MSI2: variants seen among roughly 807,000 people sequenced by gnomAD.
The protein encoded by MSI2 is RNA-binding protein Musashi homolog 2.
Under a neutral mutation model 45.6 loss-of-function variants are expected in MSI2, and 17 were observed. That is an observed-to-expected ratio of 0.37 (90% CI 0.26 to 0.56). MSI2 has a LOEUF of 0.56. Among genes scored for constraint, MSI2 ranks in the 20% least tolerant of loss-of-function variants. The probability of loss-of-function intolerance (pLI) is 0.77; values close to 1 mark genes in which losing one functional copy is unlikely to be tolerated. For synonymous variants in MSI2, 156 were observed against 158.2 expected, an observed-to-expected ratio of 0.99 and a Z score of 0.11; for missense variants, 293 against 444.2, an observed-to-expected ratio of 0.66 and a Z score of 3.06.
chr17:57,367,066 C>T lies in MSI2; in HGVS notation c.313-34313C>T, dbSNP rs181579212. Among the ~76,000 whole-genome samples the T allele has an allele frequency of 7.9e-5, 12 of 152,274 alleles. No individual in the cohort carries two copies. In the South Asian group the frequency reaches 1.4e-3, roughly 18 times the overall value. On this transcript the variant is annotated intron_variant, in intron 5 of 13. Coordinates refer to ENST00000284073, the MANE Select transcript of MSI2 (RefSeq NM_138962.4). The stretch of plus-strand genomic sequence containing the variant: ...GAACTATTGGCTTGTTTTCCAAGCT[C>T]GAAAGTGTATACAAATAGTGATATC...
At chr17:57,526,002 G>A (rs2086688507) in intron 6 of MSI2, among the ~76,000 whole-genome samples, 1 of 152,112 alleles carries the variant, frequency 6.6e-6, no homozygotes, top group Non-Finnish European at 1.5e-5. Context: ...CAAGGTAGGT[G>A]GATCACAAGG....
chr17:57,445,972 G>A (rs891933145), intron 6 of MSI2, among the ~76,000 whole-genome samples: 1 of 152,144 alleles, frequency 6.6e-6, no homozygotes, highest in South Asian at 2.1e-4. Flanking sequence ...CACTGTTCCG[G>A]GTATTGGGGA....
At position 57,322,840 on chromosome 17, in the gene MSI2, C is replaced by T. The variant is rs1207198430; in HGVS notation, c.312+60648C>T. On this transcript the variant is annotated intron_variant, in intron 5 of 13. Coordinates refer to ENST00000284073, the MANE Select transcript of MSI2 (RefSeq NM_138962.4). Reference sequence around the variant, plus strand: ...TTCAAGACAGAAAGCCCAGCTGTGGCAACTGCAGGTCTTTGGATTAGTTTG... The same window carrying T: ...TTCAAGACAGAAAGCCCAGCTGTGGTAACTGCAGGTCTTTGGATTAGTTTG... 2.0e-5 allele frequency among the ~76,000 whole-genome samples: 3 copies of T among 152,306 alleles called. No individual in the cohort carries two copies. In the South Asian group the frequency reaches 6.2e-4, roughly 32 times the overall value.
intron 6 of MSI2, chr17:57,406,858 C>T (rs1033126435): frequency 1.3e-5 from 2 of 152,246 alleles, no homozygotes; most frequent in African/African-American, 2.4e-5. Context: ...TCACGGGCTG[C>T]TCTGGTTCCC....
At chr17:57,650,437 C>A (rs1348804179) in intron 10 of MSI2, among the ~76,000 whole-genome samples, 2 of 152,178 alleles carry the variant, frequency 1.3e-5, no homozygotes, top group Non-Finnish European at 2.9e-5. Flanking sequence ...CCAAGACCCT[C>A]ATCTTCAGAA....
At chr17:57,545,402 G>A (rs569722934) in intron 7 of MSI2, among the ~76,000 whole-genome samples, 2 of 152,280 alleles carry the variant, frequency 1.3e-5, no homozygotes, top group African/African-American at 4.8e-5. Flanking sequence ...ATAGCTAGGA[G>A]CACGTGCCCT....
intron 8 of MSI2, among the ~76,000 whole-genome samples, chr17:57,612,195 T>C (rs1277737168): frequency 1.1e-5 from 1 of 95,060 alleles, no homozygotes; most frequent in African/African-American, 3.3e-5. Context: ...GGCAGGTTGA[T>C]GTGTGAGTAC....
chr17:57,306,995 G>A (rs1911977431), intron 5 of MSI2, among the ~76,000 whole-genome samples: 1 of 152,178 alleles, frequency 6.6e-6, no homozygotes, highest in Non-Finnish European at 1.5e-5. Flanking sequence ...TCCCCAGTTT[G>A]TTTACATGAG....
chr17:57,295,992 C>CTTTTTTTTTTTTTT (rs386386327), intron 5 of MSI2, among the ~76,000 whole-genome samples: 3 of 38,622 alleles, frequency 7.8e-5, no homozygotes, highest in African/African-American at 6.8e-5. Context: ...CGCAGCCTTC[C>CTTTTTTTTTTTTTT]TTTTTTTTTT....
At chr17:57,459,003 G>A (rs780053366) in intron 6 of MSI2, among the ~76,000 whole-genome samples, 1 of 152,202 alleles carries the variant, frequency 6.6e-6, no homozygotes, top group African/African-American at 2.4e-5. Context: ...TTGCTGCGTC[G>A]CTCGGAAGAA....
intron 7 of MSI2, among the ~76,000 whole-genome samples, chr17:57,558,556 T>G (rs1469419703): frequency 6.6e-6 from 1 of 152,118 alleles, no homozygotes; most frequent in Admixed American, 6.5e-5. Context: ...TGGAGACACA[T>G]CCCTCCTGGT....
At chr17:57,609,422 T>C (rs1404617459) in intron 8 of MSI2, among the ~76,000 whole-genome samples, 2 of 152,144 alleles carry the variant, frequency 1.3e-5, no homozygotes, top group East Asian at 1.9e-4. Context: ...TCCATCGAAA[T>C]AGGCCTCTCC....
Position 57,627,680 on chromosome 17 carries a change from C to T in MSI2, c.727+377C>T, listed in dbSNP as rs1908936641. On this transcript the variant is annotated intron_variant, in intron 10 of 13. Coordinates refer to ENST00000284073, the MANE Select transcript of MSI2 (RefSeq NM_138962.4). The surrounding 1 kb of genome is among the most constrained non-coding windows in gnomAD (Gnocchi z 4.6). ...ACCACCCCTTGCCCGCCTCCCCGCT[C>T]CCTGTGTCCACCTGCCCAATGTTTG... 1.1e-5 allele frequency: 3 copies of T among 276,456 alleles called. No individual in the cohort carries two copies. The highest frequency in any genetic ancestry group is 2.1e-5 in the Non-Finnish European group (3 of 145,412). 17.1% of individuals were successfully genotyped at this position (276,456 alleles called of 1,614,324 possible). A position where few individuals can be genotyped will look rare whatever the true frequency, so the allele number is the denominator to read the frequency against.
At chr17:57,375,572 C>T (rs546015026) in intron 5 of MSI2, among the ~76,000 whole-genome samples, 1 of 152,198 alleles carries the variant, frequency 6.6e-6, no homozygotes, top group South Asian at 2.1e-4. Context: ...GCCAGAGCTT[C>T]TTGGAATAGT....
At chr17:57,669,435 A>G (rs936991737) in intron 11 of MSI2, among the ~76,000 whole-genome samples, 2 of 152,320 alleles carry the variant, frequency 1.3e-5, no homozygotes, top group East Asian at 1.9e-4. Flanking sequence ...GACTAGGAAC[A>G]TAGAGTTCCC....
intron 5 of MSI2, among the ~76,000 whole-genome samples, chr17:57,353,294 C>G (rs1390533077): frequency 2.0e-5 from 3 of 152,184 alleles, no homozygotes; most frequent in African/African-American, 4.8e-5. Context: ...CTGTTTAAGT[C>G]TTCCTTGGAC....
rs1272561112 is a variant in MSI2, at chr17:57,552,042, A to T, written c.454+22318A>T. ...CATAGAGGGGTTTTCTGGAACAGAGAATGTGCTGGACCTAGAGCCCCTCGT... is the reference window on the plus strand; with the variant it reads ...CATAGAGGGGTTTTCTGGAACAGAGTATGTGCTGGACCTAGAGCCCCTCGT... On this transcript the variant is annotated intron_variant, in intron 7 of 13. Coordinates refer to ENST00000284073, the MANE Select transcript of MSI2 (RefSeq NM_138962.4). This position sits in a 1 kb window ranked among gnomAD's most constrained non-coding sequence, Gnocchi z 4.3. Among the ~76,000 whole-genome samples the T allele has an allele frequency of 6.6e-6, 1 of 152,104 alleles. No homozygotes were observed. Among genetic ancestry groups the T allele is most frequent in the Non-Finnish European group, 1.5e-5 (1 of 68,012 alleles).
chr17:57,394,644 C>T (rs1411930373), intron 5 of MSI2, among the ~76,000 whole-genome samples: 6 of 152,226 alleles, frequency 3.9e-5, no homozygotes, highest in Admixed American at 6.5e-5. Flanking sequence ...GGTTGCTTCT[C>T]CTTACAGGTG....
In MSI2 at chr17:57,611,350, C is replaced by T. The variant is rs1056298090; in HGVS notation, c.538-4620C>T. ...GGGGCTACAGTGGGAAGGGAGCCCC[C>T]GTGCCCTGCCCTCTGCCCTGTGGTG... On this transcript the variant is annotated intron_variant, in intron 8 of 13. Coordinates refer to ENST00000284073, the MANE Select transcript of MSI2 (RefSeq NM_138962.4). 2.1e-5 allele frequency among the ~76,000 whole-genome samples: 2 copies of T among 95,978 alleles called. 1 individual carries two copies. Among genetic ancestry groups the T allele is most frequent in the African/African-American group, 6.5e-5 (2 of 30,936 alleles). The allele number at this position is 95,978 out of a possible 152,430, so 63.0% of individuals were successfully genotyped here.
Sources: allele counts gnomAD v4.1 joint callset (sites outside exome capture counted in the v4.1 genomes callset), GRCh38; gene constraint gnomAD v4.1.1; non-coding constraint Gnocchi (gnomAD v3.1); transcripts MANE v1.5; gene names NCBI Gene and HGNC (gene_info 2026-07-23, HGNC 2026-07-21).